MAGI2: variants seen among roughly 807,000 people sequenced by gnomAD.
The protein encoded by MAGI2 is membrane-associated guanylate kinase, WW and PDZ domain-containing protein 2.
A neutral mutation model predicts 133.3 loss-of-function variants in MAGI2; 35 were observed. That is an observed-to-expected ratio of 0.26 (90% CI 0.20 to 0.35). MAGI2 has a LOEUF of 0.35. Ranked by LOEUF, MAGI2 falls within the 10% of genes least tolerant of loss-of-function variation. The pLI is 1.00. For missense variants in MAGI2, 1,636 were observed against 1,863.4 expected (o/e 0.88, Z 2.25); for synonymous variants, 729 against 710.6 (o/e 1.03, Z -0.41).
intron 2 of MAGI2, among the ~76,000 whole-genome samples, chr7:78,933,460 T>G (rs536229738): frequency 1.3e-5 from 2 of 152,150 alleles, no homozygotes; most frequent in Non-Finnish European, 2.9e-5. Flanking sequence ...TTGTGTATGC[T>G]TGGCACAAAC....
At chr7:79,367,459 G>T (rs1028411999) in intron 1 of MAGI2, among the ~76,000 whole-genome samples, 11 of 152,128 alleles carry the variant, frequency 7.2e-5, no homozygotes, top group African/African-American at 2.7e-4. Context: ...GCAGCAGAGA[G>T]TTAAAGCACA....
rs145053397 is a variant in MAGI2, at chr7:79,003,575, C to T, written c.418+3515G>A. Among the ~76,000 whole-genome samples, 575 of 152,154 alleles carry T rather than the reference C, an allele frequency of 3.8e-3. 8 individuals are homozygous for T. The highest frequency in any genetic ancestry group is 0.013 in the African/African-American group (545 of 41,528). Reference sequence around the variant, plus strand: ...GAAAACCAATGAGAATTTCTTTGACCAAGGAAAATGTGTAACAAATGTGAT... The same window carrying T: ...GAAAACCAATGAGAATTTCTTTGACTAAGGAAAATGTGTAACAAATGTGAT... On this transcript the variant is annotated intron_variant, in intron 2 of 21. Transcript: ENST00000354212.
intron 20 of MAGI2, among the ~76,000 whole-genome samples, chr7:78,081,180 C>T (rs970268927): frequency 6.6e-6 from 1 of 152,166 alleles, no homozygotes; most frequent in African/African-American, 2.4e-5. Context: ...CAGAGATGTC[C>T]ACTCTCTCTG....
chr7:78,511,209 G>T (rs1795530538), intron 4 of MAGI2, among the ~76,000 whole-genome samples: 1 of 151,860 alleles, frequency 6.6e-6, no homozygotes, highest in African/African-American at 2.4e-5. Flanking sequence ...TGATTGTGTT[G>T]ATTTTTATAT....
rs376256842 is a variant in MAGI2 at position 79,101,723 on chromosome 7, C to CAA, written c.302-94519_302-94518dup. On this transcript the variant is annotated intron_variant, in intron 1 of 21. Transcript: ENST00000354212. ...GGTGCTACAGAGCAAGACTCTGTCA[C>CAA]AAAAAAAAAAAAAAAAAGAAAAAAG... is the stretch of plus-strand genomic sequence containing the variant. 8.2e-3 allele frequency among the ~76,000 whole-genome samples: 920 copies of CAA among 112,480 alleles called. 10 individuals are homozygous for CAA. The highest frequency in any genetic ancestry group is 0.018 in the South Asian group (55 of 3,142). 73.8% of individuals were successfully genotyped at this position (112,480 alleles called of 152,430 possible).
chr7:79,160,527 C>A (rs6953779), intron 1 of MAGI2, among the ~76,000 whole-genome samples: 21,247 of 151,918 alleles, frequency 0.14, 3,021 homozygotes, highest in African/African-American at 0.36. Flanking sequence ...AAAAATAACC[C>A]CTTTAAGAAC....
intron 3 of MAGI2, among the ~76,000 whole-genome samples, chr7:78,603,862 A>G (rs928511571): frequency 6.6e-6 from 1 of 152,150 alleles, no homozygotes; most frequent in Non-Finnish European, 1.5e-5. Context: ...AACCTATACA[A>G]TGAGACCTAT....
In MAGI2 at chr7:78,671,187, C is replaced by T. The variant is rs745456258; in HGVS notation, c.419-43948G>A. 2.6e-5 allele frequency among the ~76,000 whole-genome samples: 4 copies of T among 152,026 alleles called. No individual in the cohort carries two copies. The East Asian group carries it at 7.7e-4, about 29-fold the overall frequency. On this transcript the variant is annotated intron_variant, in intron 2 of 21. Transcript: ENST00000354212. ...TTTGGTTATGTTGACCCTCAAATTT[C>T]CATATTCAGAAAACTGAACAGCACT...
At chr7:79,295,414 C>A (rs1169402940) in intron 1 of MAGI2, among the ~76,000 whole-genome samples, 3 of 152,060 alleles carry the variant, frequency 2.0e-5, no homozygotes, top group African/African-American at 4.8e-5. Context: ...GCAGTATATC[C>A]AATGGAAGAA....
chr7:79,112,610 A>G (rs1420882169), intron 1 of MAGI2, among the ~76,000 whole-genome samples: 4 of 152,202 alleles, frequency 2.6e-5, no homozygotes, highest in African/African-American at 9.6e-5. Context: ...CACTCTTCTT[A>G]CCATCTATGT....
chr7:78,786,917 A>G (rs10254245), intron 2 of MAGI2, among the ~76,000 whole-genome samples: 67,072 of 151,686 alleles, frequency 0.44, 15,289 homozygotes, highest in Non-Finnish European at 0.51. Flanking sequence ...TGCCCCCAAT[A>G]AGTATTGGTT....
intron 8 of MAGI2, 59 bp from the exon 9 acceptor site, chr7:78,344,019 C>A: frequency 6.6e-6 from 10 of 1,507,854 alleles, no homozygotes; most frequent in Non-Finnish European, 9.0e-6. Context: ...AGTTCTCAGA[C>A]AAGAGAAAGC....
intron 1 of MAGI2, among the ~76,000 whole-genome samples, chr7:79,438,605 C>T (rs1848301019): frequency 6.6e-6 from 1 of 152,088 alleles, no homozygotes; most frequent in South Asian, 2.1e-4. Flanking sequence ...TCATCTCCTT[C>T]ACACACCTAG....
chr7:78,142,592 T>A (rs1388210316), intron 16 of MAGI2, among the ~76,000 whole-genome samples: 1 of 152,230 alleles, frequency 6.6e-6, no homozygotes, highest in Non-Finnish European at 1.5e-5. Context: ...TTCTTATAAG[T>A]CACTCATTAT....
At chr7:78,851,932 C>T (rs1204098710) in intron 2 of MAGI2, among the ~76,000 whole-genome samples, 3 of 152,088 alleles carry the variant, frequency 2.0e-5, no homozygotes, top group African/African-American at 7.2e-5. Context: ...AAACACATAC[C>T]TGCTATCTGT....
At chr7:79,041,545 C>T (rs961339183) in intron 1 of MAGI2, among the ~76,000 whole-genome samples, 11 of 152,006 alleles carry the variant, frequency 7.2e-5, no homozygotes, top group Non-Finnish European at 1.5e-4. Context: ...AGGAAATGCA[C>T]AATTATTATT....
intron 14 of MAGI2, among the ~76,000 whole-genome samples, chr7:78,169,468 C>T (rs1379423787): frequency 2.1e-4 from 2 of 9,438 alleles, no homozygotes; most frequent in African/African-American, 6.4e-4. Flanking sequence ...CCATCATGAC[C>T]TTCGGGCTTG....
intron 1 of MAGI2, among the ~76,000 whole-genome samples, chr7:79,060,214 C>A (rs907590517): frequency 6.6e-6 from 1 of 151,886 alleles, no homozygotes; most frequent in Non-Finnish European, 1.5e-5. Context: ...CAAGGTAGAG[C>A]CATTAAAAGT....
chr7:78,188,331 C>T (rs756864283), intron 12 of MAGI2, among the ~76,000 whole-genome samples: 14 of 152,210 alleles, frequency 9.2e-5, no homozygotes, highest in Middle Eastern at 6.8e-3. Flanking sequence ...ATCAATATAA[C>T]GGCAAAGTAA....
Sources: gnomAD v4.1 joint callset for allele counts (sites outside exome capture counted in the v4.1 genomes callset) on GRCh38, gnomAD v4.1.1 for gene constraint, MANE v1.5 for transcripts, NCBI Gene and HGNC (gene_info 2026-07-23, HGNC 2026-07-21) for gene names.